ZNF493: variants seen among roughly 807,000 people sequenced by gnomAD.
ZNF493 encodes the protein zinc finger protein 493.
A neutral mutation model predicts 12.2 loss-of-function variants in ZNF493; 11 were observed. The observed-to-expected ratio is 0.90, with a 90% CI of 0.57 to 1.50. The LOEUF (loss-of-function observed/expected upper bound fraction) is 1.50, where lower values mean the gene tolerates loss of function less well. Ranked by LOEUF, ZNF493 falls within the 40% of genes most tolerant of loss-of-function variation. The pLI is 0.00. For missense variants in ZNF493, 950 were observed against 906.6 expected (o/e 1.05, Z -0.61); for synonymous variants, 286 against 302.6 (o/e 0.95, Z 0.57).
chr19:21,405,929 A>AAAC, intron 3 of ZNF493, 73 bp downstream of exon 3: 2 of 1,062,048 alleles, frequency 1.9e-6, no homozygotes, highest in Non-Finnish European at 2.6e-6. Flanking sequence ...AAAAAAAAAA[A>AAAC]GCCAGTCCTG....
chr19:21,397,492 C>T, intron 1 of ZNF493: 1 of 626,010 alleles, frequency 1.6e-6, no homozygotes, highest in Non-Finnish European at 2.9e-6. Flanking sequence ...GTGACTGTGC[C>T]CTGCCTGGAG....
At chr19:21,420,082 C>T (rs752159935) in intron 3 of ZNF493, among the ~76,000 whole-genome samples, 2 of 149,374 alleles carry the variant, frequency 1.3e-5, no homozygotes, top group Non-Finnish European at 1.5e-5. Flanking sequence ...TAGAAGACTT[C>T]TGGCTTATCT....
At chr19:21,421,739 G>T (rs2030684060) in intron 3 of ZNF493, among the ~76,000 whole-genome samples, 1 of 152,098 alleles carries the variant, frequency 6.6e-6, no homozygotes, top group African/African-American at 2.4e-5. Flanking sequence ...CTTTCTCCTG[G>T]CATACTTTGA....
At chr19:21,397,494 T>C (rs1974192054) in intron 1 of ZNF493, 1 of 621,914 alleles carries the variant, frequency 1.6e-6, no homozygotes. Flanking sequence ...GACTGTGCCC[T>C]GCCTGGAGTC....
chr19:21,405,193 C>G lies in ZNF493; in HGVS notation c.95C>G (p.Thr32Ser), dbSNP rs773407397. ...FSLEEWQCLD[T>S]AQQDLYRKVM... ...CTGGAGGAGTGGCAATGCCTGGACA[C>G]TGCTCAGCAGGATTTGTATAGGAAA... Residue 32 changes from threonine to serine, a missense_variant, in exon 2 of 4, where the codon ACT becomes AGT. Thr to Ser is a moderately conservative substitution (Grantham distance 58). Transcript: ENST00000392288. 3 of 1,614,074 alleles carry G rather than the reference C, an allele frequency of 1.9e-6. No individual in the cohort carries two copies. The highest frequency in any genetic ancestry group is 1.7e-6 in the Non-Finnish European group (2 of 1,180,020).
At position 21,415,687 on chromosome 19, in the gene ZNF493, T is replaced by G. The variant is rs535898911; in HGVS notation, c.254-7226T>G. Reference sequence around the variant, plus strand: ...AGGTCAATTACTTGCCCTACATATGTATGGCAAATTGTTGGACTGTTTAAC... The same window carrying G: ...AGGTCAATTACTTGCCCTACATATGGATGGCAAATTGTTGGACTGTTTAAC... On this transcript the variant is annotated intron_variant, in intron 3 of 3. Coordinates refer to ENST00000392288, the MANE Select transcript of ZNF493 (RefSeq NM_001076678.3). Among the ~76,000 whole-genome samples the G allele has an allele frequency of 9.2e-5, 14 of 152,342 alleles. 1 individual carries two copies. The South Asian group carries it at 2.9e-3, about 32-fold the overall frequency.
intron 3 of ZNF493, chr19:21,413,614 C>G (rs1434657345): frequency 4.8e-6 from 2 of 414,628 alleles, no homozygotes; most frequent in Non-Finnish European, 8.3e-6. Flanking sequence ...CTCCCAGAAT[C>G]TCTTCCTCAG....
At chr19:21,408,463 C>T in intron 3 of ZNF493, 1 of 984,888 alleles carries the variant, frequency 1.0e-6, no homozygotes, top group Non-Finnish European at 1.2e-6. Context: ...AAAAGTTTCT[C>T]ATCAGAATAT....
chr19:21,402,455 T>A (rs1036445157), intron 1 of ZNF493, among the ~76,000 whole-genome samples: 1 of 152,188 alleles, frequency 6.6e-6, no homozygotes, highest in African/African-American at 2.4e-5. Context: ...GGTAGACATA[T>A]TAATAGAATG....
chr19:21,403,190 G>A (rs1015244581), intron 1 of ZNF493, among the ~76,000 whole-genome samples: 1 of 152,178 alleles, frequency 6.6e-6, no homozygotes. Context: ...CTAGGTGAAA[G>A]TATTCATGTT....
intron 3 of ZNF493, chr19:21,413,693 G>C: frequency 2.5e-6 from 1 of 400,626 alleles, no homozygotes; most frequent in South Asian, 1.1e-4. Flanking sequence ...TTGGCCTGGA[G>C]GAACACAAGC....
chr19:21,397,169 C>T lies in ZNF493; in HGVS notation c.-69C>T, dbSNP rs1273279041. 19 of 1,589,072 alleles carry T rather than the reference C, an allele frequency of 1.2e-5. No homozygotes were observed. Among genetic ancestry groups the T allele is most frequent in the Middle Eastern group, 1.7e-4 (1 of 6,032 alleles). Reference sequence around the variant, plus strand: ...CTGCTGCCGGAGCTCCAGGTCTACCCTTCACTGCTCTGTGTCCTCAGCGTG... The same window carrying T: ...CTGCTGCCGGAGCTCCAGGTCTACCTTTCACTGCTCTGTGTCCTCAGCGTG... On this transcript the variant is annotated 5_prime_UTR_variant, in exon 1 of 4. Coordinates refer to ENST00000392288, the MANE Select transcript of ZNF493 (RefSeq NM_001076678.3).
intron 3 of ZNF493, among the ~76,000 whole-genome samples, chr19:21,406,468 A>G (rs76982506): frequency 0.014 from 2,155 of 152,180 alleles, 36 homozygotes; most frequent in South Asian, 0.025. Context: ...GAGCCAAATC[A>G]TCTTCATGGC....
chr19:21,405,460 G>A, intron 2 of ZNF493: 1 of 1,395,732 alleles, frequency 7.2e-7, no homozygotes, highest in East Asian at 2.7e-5. Flanking sequence ...TTCTGAGCCG[G>A]TCTGTATCCT....
intron 3 of ZNF493, chr19:21,408,416 A>C (rs1428907071): frequency 2.0e-6 from 2 of 984,398 alleles, no homozygotes; most frequent in Admixed American, 1.2e-4. Flanking sequence ...GACGTGAGCC[A>C]CCACCCCCGG....
Position 21,397,452 on chromosome 19 carries a change from G to C in ZNF493, c.30+185G>C, listed in dbSNP as rs1416489908. On this transcript the variant is annotated intron_variant, in intron 1 of 3. Coordinates refer to ENST00000392288, the MANE Select transcript of ZNF493 (RefSeq NM_001076678.3). ...GTTGGCGGCTGCGCCAACAGCCGGG[G>C]CCCCGGGCGTCCTGTCTCTTCCCTG... 3 of 726,484 alleles carry C rather than the reference G, an allele frequency of 4.1e-6. No individual in the cohort carries two copies. In the African/African-American group the frequency reaches 5.2e-5, roughly 13 times the overall value. 45.0% of individuals were successfully genotyped at this position (726,484 alleles called of 1,614,324 possible). A position where few individuals can be genotyped will look rare whatever the true frequency, so the allele number is the denominator to read the frequency against.
chr19:21,409,188 G>T (rs958280506), intron 3 of ZNF493, among the ~76,000 whole-genome samples: 12 of 151,980 alleles, frequency 7.9e-5, no homozygotes, highest in Non-Finnish European at 1.2e-4. Context: ...CCTGCCTCTT[G>T]TATATATTCT....
rs141225668 is a variant in ZNF493, at chr19:21,424,420, C to G, written c.1761C>G (p.Thr587=). The stretch of plus-strand genomic sequence containing the variant: ...GCAAATCCTTTAGTGTATTCTCAAC[C>G]CTTACTAAACACAAGATAATTCATA... ...ECGKSFSVFS[T]LTKHKIIHTD... Residue 587 remains threonine (T), a synonymous_variant, in exon 4 of 4, where the codon ACC becomes ACG. Coordinates refer to ENST00000392288, the MANE Select transcript of ZNF493 (RefSeq NM_001076678.3). 30 of 1,612,946 alleles carry G rather than the reference C, an allele frequency of 1.9e-5. No homozygotes were observed. In the African/African-American group the frequency reaches 2.4e-4, roughly 13 times the overall value.
At chr19:21,410,543 A>G (rs924065794) in intron 3 of ZNF493, among the ~76,000 whole-genome samples, 4 of 152,090 alleles carry the variant, frequency 2.6e-5, no homozygotes, top group African/African-American at 9.7e-5. Context: ...GCTCATCTAT[A>G]AATTAATTTA....
Sources: gnomAD v4.1 joint callset for allele counts (sites outside exome capture counted in the v4.1 genomes callset) on GRCh38, gnomAD v4.1.1 for gene constraint, MANE v1.5 for transcripts, NCBI Gene and HGNC (gene_info 2026-07-23, HGNC 2026-07-21) for gene names.